HYDIN: variants seen among roughly 807,000 people sequenced by gnomAD.
HYDIN encodes HYDIN axonemal central pair apparatus protein.
Under a neutral mutation model 403.9 loss-of-function variants are expected in HYDIN, and 132 were observed. The ratio of observed to expected loss-of-function variants is 0.33; its 90% confidence interval spans 0.28 to 0.38. The LOEUF (loss-of-function observed/expected upper bound fraction) is 0.38. HYDIN is among the 10% of genes least tolerant of loss of function. The pLI is 1.00. For synonymous variants in HYDIN, 1,202 were observed against 1,891.7 expected (o/e 0.64, Z 9.46); for missense variants, 2,827 against 5,009.5 (o/e 0.56, Z 13.15).
chr16:71,000,330 TATA>T (rs1346248788), intron 23 of HYDIN, among the ~76,000 whole-genome samples: 3 of 147,848 alleles, frequency 2.0e-5, no homozygotes, highest in Non-Finnish European at 4.5e-5. Flanking sequence ...AGAAAGAAGC[TATA>T]ATAAGGTGAC....
At position 70,979,013 on chromosome 16, in the gene HYDIN, A is replaced by T. The variant is rs753562477; in HGVS notation, c.4539T>A (p.Asn1513Lys). The T allele has an allele frequency of 2.5e-6, 4 of 1,612,558 alleles. No homozygotes were observed. The highest frequency in any genetic ancestry group is 2.5e-6 in the Non-Finnish European group (3 of 1,179,652). Residue 1513 changes from asparagine to lysine, a missense_variant, in exon 30 of 86, where the codon AAT becomes AAA. By Grantham distance (94) the Asn-to-Lys change is moderately conservative. Coordinates refer to ENST00000393567, the MANE Select transcript of HYDIN (RefSeq NM_001270974.2). ...TANEKYEMFL[N>K]QARKNTDKEY... ...CTTTGTCTGTGTTTTTCCTGGCTTGATTCAAGAACATTTCATACTTTTCAT... is the reference window on the plus strand; with the variant it reads ...CTTTGTCTGTGTTTTTCCTGGCTTGTTTCAAGAACATTTCATACTTTTCAT...
rs1332389041 is a variant in HYDIN at position 70,970,403 on chromosome 16, C to T, written c.5619+117G>A. On this transcript the variant is annotated intron_variant, in intron 36 of 85. Transcript: ENST00000393567. The stretch of plus-strand genomic sequence containing the variant: ...AAAATGTCTAGGATTTTACTCAGGT[C>T]AAGGGAAGTAGGTCAGAAAAGGCTA... The T allele has an allele frequency of 6.7e-6, 4 of 601,458 alleles. No individual in the cohort carries two copies. The East Asian group carries it at 8.3e-5, about 13-fold the overall frequency. 37.3% of individuals were successfully genotyped at this position (601,458 alleles called of 1,614,324 possible).
rs764490323 is a variant in HYDIN, at chr16:71,183,539, A to C, written c.261+1326T>G. 7.9e-5 allele frequency among the ~76,000 whole-genome samples: 12 copies of C among 152,270 alleles called. No individual in the cohort carries two copies. The East Asian group carries it at 1.7e-3, about 22-fold the overall frequency. ...ACATGGGCTAAAAGATTAACTTATG[A>C]GGGAGAAATCAGGCTGGCTTCCGAC... On this transcript the variant is annotated intron_variant, in intron 3 of 85. Transcript: ENST00000393567.
At chr16:70,947,593 TGGA>T (rs373208050) in intron 41 of HYDIN, among the ~76,000 whole-genome samples, 2,997 of 151,444 alleles carry the variant, frequency 0.02, 42 homozygotes, top group Middle Eastern at 0.078. Flanking sequence ...TTCTATTGAT[TGGA>T]ATAGTTTCAG....
At chr16:70,834,728 G>A (rs563349810) in intron 78 of HYDIN, among the ~76,000 whole-genome samples, 22 of 151,908 alleles carry the variant, frequency 1.4e-4, no homozygotes, top group Admixed American at 7.2e-4. Flanking sequence ...TATGCCTGTA[G>A]TCCCAGCTAC....
At chr16:70,906,085 T>C (rs998821470) in intron 50 of HYDIN, among the ~76,000 whole-genome samples, 16 of 151,686 alleles carry the variant, frequency 1.1e-4, no homozygotes, top group African/African-American at 3.6e-4. Context: ...GAAGACATGG[T>C]GGAGACCTTG....
chr16:70,885,778 A>G (rs1321208919), intron 58 of HYDIN, among the ~76,000 whole-genome samples: 2 of 152,128 alleles, frequency 1.3e-5, no homozygotes, highest in African/African-American at 4.8e-5. Flanking sequence ...AGTTATAGAA[A>G]CATATGTAGA....
intron 12 of HYDIN, among the ~76,000 whole-genome samples, chr16:71,087,161 T>C (rs1419538287): frequency 6.6e-6 from 1 of 152,226 alleles, no homozygotes; most frequent in Non-Finnish European, 1.5e-5. Flanking sequence ...GCTTTGGTCA[T>C]GCCACAGAAC....
intron 23 of HYDIN, among the ~76,000 whole-genome samples, chr16:71,017,105 C>T (rs973610505): frequency 1.8e-4 from 27 of 151,642 alleles, no homozygotes; most frequent in Admixed American, 1.4e-3. Flanking sequence ...CTTGGCAGGC[C>T]GAGGCGGGCG....
intron 47 of HYDIN, among the ~76,000 whole-genome samples, chr16:70,909,130 T>A (rs2076618842): frequency 1.3e-5 from 2 of 151,204 alleles, no homozygotes; most frequent in African/African-American, 4.9e-5. Flanking sequence ...GAACCCACAA[T>A]GGACAGCGGG....
intron 1 of HYDIN, among the ~76,000 whole-genome samples, chr16:71,199,567 G>A (rs1356125915): frequency 1.3e-5 from 2 of 152,148 alleles, no homozygotes; most frequent in Non-Finnish European, 2.9e-5. Flanking sequence ...GACTTGGCCT[G>A]GTAATCCTTC....
intron 1 of HYDIN, among the ~76,000 whole-genome samples, chr16:71,200,979 G>A (rs192206173): frequency 1.3e-4 from 20 of 152,232 alleles, no homozygotes; most frequent in Admixed American, 9.1e-4. Context: ...AGGGTAAAAT[G>A]CCTGGAACTT....
intron 38 of HYDIN, among the ~76,000 whole-genome samples, chr16:70,960,883 G>A (rs964411579): frequency 1.3e-5 from 2 of 152,112 alleles, no homozygotes; most frequent in African/African-American, 4.8e-5. Context: ...AGTACAGACA[G>A]GGTTTCATCG....
intron 3 of HYDIN, among the ~76,000 whole-genome samples, chr16:71,180,635 A>AC (rs2086862388): frequency 7.3e-6 from 1 of 137,708 alleles, no homozygotes; most frequent in Non-Finnish European, 1.6e-5. Flanking sequence ...GAAAGAGAAA[A>AC]AAAATTTGCA....
At chr16:71,066,637 G>A (rs1188260249) in intron 15 of HYDIN, 3 of 274,776 alleles carry the variant, frequency 1.1e-5, no homozygotes, top group African/African-American at 4.5e-5. Context: ...ATCATTAGTC[G>A]ATGACACCAC....
intron 15 of HYDIN, 76 bp downstream of exon 15, chr16:71,067,214 A>G: frequency 1.4e-6 from 1 of 720,630 alleles, no homozygotes; most frequent in Non-Finnish European, 2.3e-6. Flanking sequence ...TTGGCAGGCC[A>G]GCTGCCTTCT....
At position 70,889,635 on chromosome 16, in the gene HYDIN, T is replaced by G; in HGVS notation, c.9726A>C (p.Ala3242=). 1 of 649,830 alleles carries G rather than the reference T, an allele frequency of 1.5e-6. No individual in the cohort carries two copies. Among genetic ancestry groups the G allele is most frequent in the Non-Finnish European group, 2.6e-6 (1 of 379,662 alleles). The allele number at this position is 649,830 out of a possible 1,614,324, so 40.3% of individuals were successfully genotyped here. Residue 3242 remains alanine, a synonymous_variant, in exon 58 of 86, where the codon GCA becomes GCC. Coordinates refer to ENST00000393567, the MANE Select transcript of HYDIN (RefSeq NM_001270974.2). Reference sequence around the variant, plus strand: ...TCTGAATCGTGTCAGAGAACTTGGCTGCTCTGGAAGAGCCAGTTTTGTAGA... The same window carrying G: ...TCTGAATCGTGTCAGAGAACTTGGCGGCTCTGGAAGAGCCAGTTTTGTAGA... ...ESFYKTGSSR[A]AKFSDTIQKE...
chr16:70,840,283 G>C, intron 75 of HYDIN, 50 bp from the exon 76 acceptor site: 2 of 1,144,390 alleles, frequency 1.7e-6, no homozygotes, highest in Non-Finnish European at 2.5e-6. Context: ...AGTAGGAGGA[G>C]AGGGCTCTTA....
intron 3 of HYDIN, among the ~76,000 whole-genome samples, chr16:71,181,411 C>G (rs1200327799): frequency 6.6e-6 from 1 of 151,860 alleles, no homozygotes; most frequent in African/African-American, 2.4e-5. Flanking sequence ...CAAGATTTAT[C>G]AGAAAAATAA....
Sources: allele counts gnomAD v4.1 joint callset (sites outside exome capture counted in the v4.1 genomes callset), GRCh38; gene constraint gnomAD v4.1.1; transcripts MANE v1.5; gene names NCBI Gene and HGNC (gene_info 2026-07-23, HGNC 2026-07-21).